The following PPP1R26 variants were observed in gnomAD, a reference collection of about 807,000 sequenced individuals.
The protein encoded by PPP1R26 is 1A6/DRIM (down-regulated in metastasis) interacting protein.
PPP1R26 carries 22 observed loss-of-function variants against 67.6 expected under a neutral mutation model. That is an observed-to-expected ratio of 0.33 (90% CI 0.23 to 0.46). The LOEUF (loss-of-function observed/expected upper bound fraction) is 0.46. PPP1R26 is among the 20% of genes least tolerant of loss of function. The pLI, the probability that PPP1R26 is intolerant of heterozygous loss-of-function variation, is 1.00. For synonymous variants in PPP1R26, 729 were observed against 717.2 expected (o/e 1.02, Z -0.26); for missense variants, 1,602 against 1,651.4 (o/e 0.97, Z 0.52).
At chr9:135,479,382 C>G (rs1283934913), upstream of PPP1R26, among the ~76,000 whole-genome samples, 6 of 151,732 alleles carry the variant, frequency 4.0e-5, no homozygotes. The surrounding 1 kb of genome is among the most constrained non-coding windows in gnomAD (Gnocchi z 5.9). Context: ...CCCGCGGCTC[C>G]GAGCGCTTTC....
Position 135,485,847 on chromosome 9 carries a change from C to G in PPP1R26, c.1337C>G (p.Ala446Gly). ...CCAGGGGGCCTGGACACTGACCATG[C>G]CCCCAAGCTCCTGAAGGAAACCAAA... ...PGPGGLDTDH[A>G]PKLLKETKAP... The change falls in exon 4 of 4, where the codon GCC becomes GGC. Residue 446 changes from alanine to glycine, a missense_variant. Ala to Gly is a moderately conservative substitution (Grantham distance 60, BLOSUM62 0). This residue lies in a region of PPP1R26 where 680 missense variants were observed against 726.1 expected (regional missense o/e 0.94). Transcript: ENST00000356818. The surrounding 1 kb of genome is among the most constrained non-coding windows in gnomAD (Gnocchi z 7.2). The G allele has an allele frequency of 6.2e-7, 1 of 1,613,244 alleles. No individual in the cohort carries two copies.
At chr9:135,479,580 C>A (rs2119214260), upstream of PPP1R26, 1 of 145,966 alleles carries the variant, frequency 6.9e-6, no homozygotes, top group South Asian at 2.0e-4. This position sits in a 1 kb window ranked among gnomAD's most constrained non-coding sequence, Gnocchi z 5.9. Flanking sequence ...GTCCCCGGGG[C>A]GCGGGCGCGG....
At chr9:135,481,240 T>TG (rs1239738513) in intron 1 of PPP1R26, among the ~76,000 whole-genome samples, 1 of 149,016 alleles carries the variant, frequency 6.7e-6, no homozygotes, top group Non-Finnish European at 1.5e-5. Flanking sequence ...TTTCTTGTTT[T>TG]TTTTTTTTTT....
At chr9:135,482,065 C>G (rs1588343432) in intron 1 of PPP1R26, among the ~76,000 whole-genome samples, 1 of 152,156 alleles carries the variant, frequency 6.6e-6, no homozygotes, top group South Asian at 2.1e-4. Flanking sequence ...CTCCCCTCCC[C>G]GACCTTGTCA....
chr9:135,482,319 GTGC>G (rs911237245), intron 1 of PPP1R26, among the ~76,000 whole-genome samples: 1 of 152,206 alleles, frequency 6.6e-6, no homozygotes, highest in Non-Finnish European at 1.5e-5. Context: ...TGGTCCCCCA[GTGC>G]TCTGTGTCAG....
At chr9:135,481,448 C>G (rs1221622950) in intron 1 of PPP1R26, among the ~76,000 whole-genome samples, 1 of 151,794 alleles carries the variant, frequency 6.6e-6, no homozygotes, top group Non-Finnish European at 1.5e-5. Context: ...GCCATGTTGG[C>G]CAGGCTGGTC....
chr9:135,487,715 GGCCTGCCCA>G lies in PPP1R26; in HGVS notation c.3214_3222del (p.Ser1072_Pro1074del). On this transcript the variant is annotated inframe_deletion, in exon 4 of 4. Coordinates refer to ENST00000356818, the MANE Select transcript of PPP1R26 (RefSeq NM_014811.5). ...CAAGGGGTCCGAGGGCCCCGCCCGGGGCCTGCCCAGCCTGCCCCTTGCGGGCTTCTCGCC... is the reference window on the plus strand; with the variant it reads ...CAAGGGGTCCGAGGGCCCCGCCCGGGGCCTGCCCCTTGCGGGCTTCTCGCC... 6.9e-7 allele frequency: 1 copy of G among 1,451,584 alleles called. No individual in the cohort carries two copies. Among genetic ancestry groups the G allele is most frequent in the Middle Eastern group, 2.5e-4 (1 of 3,948 alleles). The allele number at this position is 1,451,584 out of a possible 1,614,324, so 89.9% of individuals were successfully genotyped here.
chr9:135,479,739 G>A (rs1830440079), upstream of PPP1R26: 2 of 145,482 alleles, frequency 1.4e-5, no homozygotes, highest in South Asian at 4.2e-4. The surrounding 1 kb of genome is among the most constrained non-coding windows in gnomAD (Gnocchi z 5.9). Context: ...GTCGCGGGGA[G>A]GGGGCGGCTT....
chr9:135,484,288 G>A (rs990609571), intron 3 of PPP1R26, 161 bp from the exon 4 acceptor site: 1 of 556,878 alleles, frequency 1.8e-6, no homozygotes, highest in Admixed American at 3.5e-5. Context: ...CCAGGAGCAT[G>A]AGTAAGTCGT....
Position 135,485,483 on chromosome 9 carries a change from T to C in PPP1R26, c.973T>C (p.Cys325Arg). Residue 325 changes from cysteine (C) to arginine (R), a missense_variant, in exon 4 of 4, where the codon TGC becomes CGC. Cys to Arg is a radical substitution (Grantham distance 180). Transcript: ENST00000356818. This position sits in a 1 kb window ranked among gnomAD's most constrained non-coding sequence, Gnocchi z 7.2. ...GGGCAGCACGAAGCCGGCAACCCCC[T>C]GCCGCCCTTCAGAAGCAGCACAGAA... ...NEGSTKPATP[C>R]RPSEAAQNKG... The C allele has an allele frequency of 6.2e-7, 1 of 1,612,998 alleles. No individual in the cohort carries two copies. Among genetic ancestry groups the C allele is most frequent in the East Asian group, 2.2e-5 (1 of 44,852 alleles).
intron 2 of PPP1R26, chr9:135,483,513 T>G (rs1830595795): frequency 6.5e-6 from 1 of 153,166 alleles, no homozygotes; most frequent in Non-Finnish European, 1.5e-5. Context: ...GAGGCTTGCT[T>G]GCACAAGAAC....
chr9:135,483,820 A>G, intron 2 of PPP1R26, 130 bp from the exon 3 acceptor site: 1 of 390,986 alleles, frequency 2.6e-6, no homozygotes, highest in East Asian at 3.7e-5. Flanking sequence ...ATAACAATGC[A>G]GTCCCATGCG....
Position 135,486,829 on chromosome 9 carries a change from T to G in PPP1R26, c.2319T>G (p.Phe773Leu). The G allele has an allele frequency of 6.2e-7, 1 of 1,610,360 alleles. No individual in the cohort carries two copies. The highest frequency in any genetic ancestry group is 8.5e-7 in the Non-Finnish European group (1 of 1,178,930). The part of the protein sequence containing the change: ...EGPGKKPPSV[F>L]GSTAERMRQE... ...CTGGGAAGAAACCCCCCAGTGTCTT[T>G]GGCAGCACGGCAGAGAGGATGAGGC... is the stretch of plus-strand genomic sequence containing the variant. The change falls in exon 4 of 4, where the codon TTT (phenylalanine) becomes TTG (leucine). Residue 773 changes from phenylalanine (F) to leucine (L), a missense_variant. Physicochemically the swap from Phe to Leu is conservative, Grantham distance 22. This residue lies in a region of PPP1R26 where 740 missense variants were observed against 696.3 expected (regional missense o/e 1.06). Transcript: ENST00000356818. The surrounding 1 kb of genome is among the most constrained non-coding windows in gnomAD (Gnocchi z 6.2).
Position 135,485,426 on chromosome 9 carries a change from A to G in PPP1R26, c.916A>G (p.Arg306Gly), listed in dbSNP as rs141353268. The change falls in exon 4 of 4, where the codon AGG becomes GGG. Residue 306 changes from arginine to glycine, a missense_variant. This residue lies in a region of PPP1R26 where 680 missense variants were observed against 726.1 expected (regional missense o/e 0.94). Transcript: ENST00000356818. This position sits in a 1 kb window ranked among gnomAD's most constrained non-coding sequence, Gnocchi z 7.2. ...AKMNVQPRSL[R>G]SKVTTTQENE... The stretch of plus-strand genomic sequence containing the variant: ...GATGAACGTCCAGCCCAGAAGCCTC[A>G]GGTCCAAGGTCACAACCACGCAGGA... 1.4e-4 allele frequency: 218 copies of G among 1,612,646 alleles called. No individual in the cohort carries two copies. Among genetic ancestry groups the G allele is most frequent in the Non-Finnish European group, 1.7e-4 (197 of 1,179,840 alleles).
In PPP1R26 at chr9:135,487,096, C is replaced by A. The variant is rs754305368; in HGVS notation, c.2586C>A (p.Gly862=). The change falls in exon 4 of 4, where the codon GGC becomes GGA. Residue 862 remains glycine, a synonymous_variant. Transcript: ENST00000356818. ...SVSSSEVQAE[G]PTALGTGGPA... ...GCAGTTCAGAAGTTCAGGCAGAGGG[C>A]CCCACCGCTCTTGGGACAGGGGGCC... 14 of 1,611,394 alleles carry A rather than the reference C, an allele frequency of 8.7e-6. No individual in the cohort carries two copies. The highest frequency in any genetic ancestry group is 1.2e-5 in the Non-Finnish European group (14 of 1,179,992).
chr9:135,485,447 CAGG>C lies in PPP1R26; in HGVS notation c.940_942del (p.Glu314del). On this transcript the variant is annotated inframe_deletion, in exon 4 of 4. Transcript: ENST00000356818. This position sits in a 1 kb window ranked among gnomAD's most constrained non-coding sequence, Gnocchi z 7.2. ...CCTCAGGTCCAAGGTCACAACCACG[CAGG>C]AGAACGAGGGCAGCACGAAGCCGGC... 1 of 1,613,000 alleles carries C rather than the reference CAGG, an allele frequency of 6.2e-7. No individual in the cohort carries two copies. The highest frequency in any genetic ancestry group is 1.1e-5 in the South Asian group (1 of 91,082).
At position 135,487,114 on chromosome 9, in the gene PPP1R26, A is replaced by T. The variant is rs747154117; in HGVS notation, c.2604A>T (p.Thr868=). The T allele has an allele frequency of 6.2e-7, 1 of 1,611,612 alleles. No homozygotes were observed. The highest frequency in any genetic ancestry group is 1.1e-5 in the South Asian group (1 of 91,022). Residue 868 remains threonine, a synonymous_variant, in exon 4 of 4, where the codon ACA becomes ACT. Coordinates refer to ENST00000356818, the MANE Select transcript of PPP1R26 (RefSeq NM_014811.5). ...CAGAGGGCCCCACCGCTCTTGGGAC[A>T]GGGGGCCCAGCCAGGCCAGAGGTGC... ...VQAEGPTALG[T]GGPARPEVLC... is the part of the protein sequence containing the mutation.
chr9:135,485,099 G>A lies in PPP1R26; in HGVS notation c.589G>A (p.Gly197Ser), dbSNP rs761144286. The A allele has an allele frequency of 4.3e-6, 7 of 1,612,526 alleles. No homozygotes were observed. The highest frequency in any genetic ancestry group is 5.9e-6 in the Non-Finnish European group (7 of 1,179,752). Residue 197 changes from glycine to serine, a missense_variant, in exon 4 of 4, where the codon GGC becomes AGC. Gly to Ser is a moderately conservative substitution (Grantham distance 56). This residue lies in a region of PPP1R26 where 680 missense variants were observed against 726.1 expected (regional missense o/e 0.94). Transcript: ENST00000356818. This position sits in a 1 kb window ranked among gnomAD's most constrained non-coding sequence, Gnocchi z 7.2. ...PPKLVPGSGGGPGSQVGSSKD... is the reference protein window; with the variant it reads ...PPKLVPGSGGSPGSQVGSSKD... ...AAAACTTGTACCTGGATCAGGTGGT[G>A]GCCCCGGCAGCCAGGTGGGATCCAG...
In PPP1R26 at chr9:135,485,537, G is replaced by T. The variant is rs199863193; in HGVS notation, c.1027G>T (p.Ala343Ser). The T allele has an allele frequency of 6.3e-5, 101 of 1,613,240 alleles. No individual in the cohort carries two copies. In the Middle Eastern group the frequency reaches 1.5e-3, roughly 24 times the overall value. The part of the protein sequence containing the change: ...NKGGIKRSAS[A>S]ARRGKRVMSA... ...AGGTGGGATCAAAAGGAGCGCCAGC[G>T]CTGCAAGGAGGGGAAAGCGAGTCAT... The change falls in exon 4 of 4, where the codon GCT becomes TCT. Residue 343 changes from alanine to serine, a missense_variant. By Grantham distance (99) the Ala-to-Ser change is moderately conservative. This residue lies in a region of PPP1R26 where 680 missense variants were observed against 726.1 expected (regional missense o/e 0.94). Transcript: ENST00000356818. This position sits in a 1 kb window ranked among gnomAD's most constrained non-coding sequence, Gnocchi z 7.2.
Sources: gnomAD v4.1 joint callset for allele counts (sites outside exome capture counted in the v4.1 genomes callset) on GRCh38, gnomAD v4.1.1 for gene constraint, gnomAD v4.1.1 regional missense constraint, Gnocchi (gnomAD v3.1) non-coding constraint, MANE v1.5 for transcripts, NCBI Gene and HGNC (gene_info 2026-07-23, HGNC 2026-07-21) for gene names.